Variants in TAS1R2 observed in about 807,000 individuals in gnomAD.
The protein encoded by TAS1R2 is taste 1 receptor member 2, also known as taste receptor type 1 member 2.
Under a neutral mutation model 49.3 loss-of-function variants are expected in TAS1R2, and 47 were observed. The observed-to-expected ratio is 0.95, with a 90% CI of 0.75 to 1.22. The LOEUF (loss-of-function observed/expected upper bound fraction) is 1.22, where lower values mean the gene tolerates loss of function less well. TAS1R2 is among the 50% of genes most tolerant of loss of function. The pLI is 0.00. For synonymous variants in TAS1R2, 479 were observed against 467.9 expected, an observed-to-expected ratio of 1.02 and a Z score of -0.31; for missense variants, 1,155 against 1,122.1, an observed-to-expected ratio of 1.03 and a Z score of -0.42.
rs948155839 is a variant in TAS1R2 at position 18,840,430 on chromosome 1, C to A, written c.1689G>T (p.Glu563Asp). 3.1e-6 allele frequency: 5 copies of A among 1,614,170 alleles called. No homozygotes were observed. The East Asian group carries it at 1.1e-4, about 36-fold the overall frequency. ...GCAGGGCCACAGCGATGGTGGGTGC[C>A]TCATGCCATTCCAGGAAGACCAGCT... The change falls in exon 6 of 6, where the codon GAG becomes GAT. Residue 563 changes from glutamate (E) to aspartate (D), a missense_variant. Transcript: ENST00000375371.
At chr1:18,853,555 G>C (rs1355457680) in intron 3 of TAS1R2, among the ~76,000 whole-genome samples, 1 of 152,154 alleles carries the variant, frequency 6.6e-6, no homozygotes, top group African/African-American at 2.4e-5. Flanking sequence ...GGGGCGAAAG[G>C]GGAGAACAAA....
At chr1:18,853,741 A>G (rs574135008) in intron 3 of TAS1R2, among the ~76,000 whole-genome samples, 10 of 152,308 alleles carry the variant, frequency 6.6e-5, no homozygotes, top group African/African-American at 2.2e-4. Flanking sequence ...AAAACCTTCT[A>G]TATCCCAGAA....
Position 18,841,915 on chromosome 1 carries a change from C to A in TAS1R2, c.1468-63G>T. ...TCCCACATTCTGGGGGCCCCCTCCC[C>A]TCTCCAACCAGCAGGATGTTCAGGG... On this transcript the variant is annotated intron_variant, in intron 4 of 5. Transcript: ENST00000375371. 13 of 1,497,990 alleles carry A rather than the reference C, an allele frequency of 8.7e-6. No individual in the cohort carries two copies. The South Asian group carries it at 1.6e-4, about 18-fold the overall frequency. 92.8% of individuals were successfully genotyped at this position (1,497,990 alleles called of 1,614,324 possible).
exon 1 of TAS1R2, chr1:18,859,628 C>G (rs780297927): frequency 1.3e-5 from 21 of 1,614,228 alleles, no homozygotes; most frequent in Non-Finnish European, 1.8e-5. Flanking sequence ...GGAGGAAGAA[C>G]AGGGAGGAGA....
At chr1:18,841,594 C>T in intron 5 of TAS1R2, 135 bp downstream of exon 5, 1 of 1,312,038 alleles carries the variant, frequency 7.6e-7, no homozygotes, top group Non-Finnish European at 1.0e-6. Flanking sequence ...AGATCTGGTC[C>T]CTGGCCTTTG....
intron 5 of TAS1R2, 117 bp downstream of exon 5, chr1:18,841,612 A>G: frequency 7.0e-7 from 1 of 1,419,448 alleles, no homozygotes; most frequent in Non-Finnish European, 9.4e-7. Context: ...TTGGACACTC[A>G]CACCCCCTGT....
Position 18,854,785 on chromosome 1 carries a change from G to C in TAS1R2, c.685C>G (p.Arg229Gly). The C allele has an allele frequency of 1.9e-6, 3 of 1,605,756 alleles. No individual in the cohort carries two copies. Among genetic ancestry groups the C allele is most frequent in the East Asian group, 4.5e-5 (2 of 44,716 alleles). ...TGGAAGGCGATGCAGATGTCGCGCCGGGCCACGCGCTCGCCAAGCAGCTGG... is the reference window on the plus strand; with the variant it reads ...TGGAAGGCGATGCAGATGTCGCGCCCGGCCACGCGCTCGCCAAGCAGCTGG... The change falls in exon 3 of 6, where the codon CGG (arginine) becomes GGG (glycine). Residue 229 changes from arginine (R) to glycine (G), a missense_variant. Arg to Gly is a moderately radical substitution (Grantham distance 125). Transcript: ENST00000375371. This position sits in a 1 kb window ranked among gnomAD's most constrained non-coding sequence, Gnocchi z 4.9.
intron 3 of TAS1R2, among the ~76,000 whole-genome samples, chr1:18,852,248 G>A (rs1934042782): frequency 6.6e-6 from 1 of 152,208 alleles, no homozygotes; most frequent in Non-Finnish European, 1.5e-5. Flanking sequence ...CCAGCAAGGA[G>A]GGTGGGAGGT....
intron 4 of TAS1R2, 110 bp from the exon 5 acceptor site, chr1:18,841,962 A>C: frequency 2.4e-6 from 2 of 820,160 alleles, no homozygotes; most frequent in Non-Finnish European, 3.4e-6. Flanking sequence ...GAAGCCCCCT[A>C]GGTTTTGGGG....
intron 4 of TAS1R2, among the ~76,000 whole-genome samples, chr1:18,845,843 C>T (rs146295445): frequency 6.6e-6 from 1 of 152,094 alleles, no homozygotes; most frequent in African/African-American, 2.4e-5. Flanking sequence ...TCTGGATCAC[C>T]CCCCAGGCAA....
At chr1:18,839,692 G>A (rs1933778160) in exon 6 of TAS1R2, 1 of 1,614,122 alleles carries the variant, frequency 6.2e-7, no homozygotes, top group Admixed American at 1.7e-5. Flanking sequence ...AGCACTTGGG[G>A]CCGAAGTAGC....
At chr1:18,843,914 AATT>A (rs1331962388) in intron 4 of TAS1R2, among the ~76,000 whole-genome samples, 2 of 152,222 alleles carry the variant, frequency 1.3e-5, no homozygotes, top group Non-Finnish European at 2.9e-5. Flanking sequence ...GGTCCAAGTA[AATT>A]TCTTAAATCA....
chr1:18,859,390 C>T, intron 1 of TAS1R2, 89 bp downstream of exon 1: 1 of 1,511,830 alleles, frequency 6.6e-7, no homozygotes. Context: ...AGCCCTTGGT[C>T]CTGGTCTGGC....
At chr1:18,855,264 T>C (rs1489698547) in intron 2 of TAS1R2, among the ~76,000 whole-genome samples, 1 of 152,152 alleles carries the variant, frequency 6.6e-6, no homozygotes, top group Admixed American at 6.5e-5. Flanking sequence ...ACATACACCA[T>C]CATCCTCATG....
chr1:18,839,642 T>C (rs946832175), exon 6 of TAS1R2: 2 of 1,613,734 alleles, frequency 1.2e-6, no homozygotes, highest in Non-Finnish European at 1.7e-6. Context: ...GCTGTTGAAG[T>C]AGGCGGGCGT....
At chr1:18,859,057 C>G (rs1023268398) in intron 1 of TAS1R2, among the ~76,000 whole-genome samples, 1 of 152,124 alleles carries the variant, frequency 6.6e-6, no homozygotes, top group East Asian at 1.9e-4. Flanking sequence ...CCAAAAGCAC[C>G]CCTACCCACC....
At chr1:18,853,078 G>T (rs988978128) in intron 3 of TAS1R2, among the ~76,000 whole-genome samples, 3 of 152,104 alleles carry the variant, frequency 2.0e-5, no homozygotes, top group Non-Finnish European at 2.9e-5. Context: ...AAGGTGAAGT[G>T]GGAAAACCAC....
chr1:18,849,548 C>A (rs1427039817), exon 4 of TAS1R2: 5 of 1,614,094 alleles, frequency 3.1e-6, no homozygotes, highest in Non-Finnish European at 4.2e-6. Context: ...TCTCCTCAAG[C>A]AGCTGGCGGG....
intron 3 of TAS1R2, among the ~76,000 whole-genome samples, chr1:18,851,255 T>C (rs1439326010): frequency 6.6e-6 from 1 of 152,020 alleles, no homozygotes; most frequent in Non-Finnish European, 1.5e-5. Flanking sequence ...ATTTGTGAAA[T>C]AAAAGGATTG....
Sources: gnomAD v4.1 joint callset for allele counts (sites outside exome capture counted in the v4.1 genomes callset) on GRCh38, gnomAD v4.1.1 for gene constraint, Gnocchi (gnomAD v3.1) non-coding constraint, MANE v1.5 for transcripts, NCBI Gene and HGNC (gene_info 2026-07-23, HGNC 2026-07-21) for gene names.